SIDT2: variants seen among roughly 807,000 people sequenced by gnomAD.
SIDT2 encodes SID1 transmembrane family member 2.
A neutral mutation model predicts 114.4 loss-of-function variants in SIDT2; 68 were observed. That is an observed-to-expected ratio of 0.59 (90% CI 0.49 to 0.73). The LOEUF is 0.73. Among genes scored for constraint, SIDT2 ranks in the 30% least tolerant of loss-of-function variants. SIDT2 has a pLI of 0.00. For missense variants in SIDT2, 918 were observed against 1,097.1 expected, an observed-to-expected ratio of 0.84 and a Z score of 2.31; for synonymous variants, 470 against 438.4, an observed-to-expected ratio of 1.07 and a Z score of -0.90.
rs894762170 is a variant in SIDT2 at position 117,197,215 on chromosome 11, T to G, written c.*1149T>G. 1.2e-4 allele frequency: 18 copies of G among 152,642 alleles called. No homozygotes were observed. The highest frequency in any genetic ancestry group is 9.8e-4 in the Admixed American group (15 of 15,294). The allele number at this position is 152,642 out of a possible 1,614,324, so 9.5% of individuals were successfully genotyped here. ...CACCCTGGCCACCCTGGTCCTTGGA[T>G]CCCCTTCGTCCCACCTGGTCCACCC... On this transcript the variant is annotated 3_prime_UTR_variant, in exon 26 of 26. Transcript: ENST00000324225.
Position 117,190,145 on chromosome 11 carries a change from G to T in SIDT2, c.1494-21G>T. The T allele has an allele frequency of 6.3e-7, 1 of 1,597,396 alleles. No homozygotes were observed. The highest frequency in any genetic ancestry group is 1.1e-5 in the South Asian group (1 of 88,584). On this transcript the variant is annotated intron_variant, in intron 16 of 25. Transcript: ENST00000324225. The surrounding 1 kb of genome is among the most constrained non-coding windows in gnomAD (Gnocchi z 4.1). The stretch of plus-strand genomic sequence containing the variant: ...CCTGGGTGTGAGTCCCAAGCAGTCT[G>T]CCTTGTGTTGCCCCTTCTAGCGCCT...
intron 2 of SIDT2, 53 bp from the exon 3 acceptor site, chr11:117,181,754 G>T: frequency 6.2e-7 from 1 of 1,611,562 alleles, no homozygotes; most frequent in South Asian, 1.1e-5. Flanking sequence ...CCTCTGGAGG[G>T]GCAGGCCGGC....
At position 117,192,295 on chromosome 11, in the gene SIDT2, C is replaced by T. The variant is rs750046410; in HGVS notation, c.1914C>T (p.Ser638=). Residue 638 remains serine, a synonymous_variant, in exon 20 of 26, where the codon TCC becomes TCT. Coordinates refer to ENST00000324225, the MANE Select transcript of SIDT2 (RefSeq NM_001040455.2). The surrounding 1 kb of genome is among the most constrained non-coding windows in gnomAD (Gnocchi z 5.9). ...ACACGGCGTTCTGGATCGTCTTCTC[C>T]ATCATTCACATCATCGCCACCCTGC... ...KGNTAFWIVF[S]IIHIIATLLL... 1 of 1,612,684 alleles carries T rather than the reference C, an allele frequency of 6.2e-7. No homozygotes were observed. Among genetic ancestry groups the T allele is most frequent in the Non-Finnish European group, 8.5e-7 (1 of 1,178,792 alleles).
At chr11:117,187,765 G>T in intron 12 of SIDT2, 66 bp downstream of exon 12, 1 of 1,514,196 alleles carries the variant, frequency 6.6e-7, no homozygotes. Flanking sequence ...AAATGTCACG[G>T]TGGGCGGTTG....
chr11:117,183,707 C>A, intron 6 of SIDT2, 72 bp from the exon 7 acceptor site: 1 of 1,098,690 alleles, frequency 9.1e-7, no homozygotes, highest in Non-Finnish European at 1.4e-6. Context: ...AATGTCTGGC[C>A]CCAGAACAAG....
chr11:117,186,987 T>C, intron 10 of SIDT2: 1 of 1,447,556 alleles, frequency 6.9e-7, no homozygotes, highest in Non-Finnish European at 9.2e-7. Flanking sequence ...CCTTCTCTCT[T>C]AGCTTCTCTC....
Position 117,192,417 on chromosome 11 carries a change from C to T in SIDT2, c.1981+55C>T, listed in dbSNP as rs1410496961. 2.8e-6 allele frequency: 4 copies of T among 1,409,090 alleles called. No individual in the cohort carries two copies. The highest frequency in any genetic ancestry group is 2.3e-5 in the South Asian group (2 of 86,990). The allele number at this position is 1,409,090 out of a possible 1,614,324, so 87.3% of individuals were successfully genotyped here. A position where few individuals can be genotyped will look rare whatever the true frequency, so the allele number is the denominator to read the frequency against. ...GGAGGGGTCTGGGGGGCCTTGGGAA[C>T]CCGGACGCACGGGAGACGCTCAGGT... is the stretch of plus-strand genomic sequence containing the variant. On this transcript the variant is annotated intron_variant, in intron 20 of 25. Coordinates refer to ENST00000324225, the MANE Select transcript of SIDT2 (RefSeq NM_001040455.2). The surrounding 1 kb of genome is among the most constrained non-coding windows in gnomAD (Gnocchi z 5.9).
intron 6 of SIDT2, 29 bp from the exon 7 acceptor site, chr11:117,183,750 A>T (rs112312899): frequency 2.6e-4 from 356 of 1,385,298 alleles, no homozygotes; most frequent in East Asian, 3.4e-4. Flanking sequence ...ATGATGATGA[A>T]GAAGATATTT....
chr11:117,188,451 G>T lies in SIDT2; in HGVS notation c.1160-257G>T. ...GCCTGGGAAGCCCTAGCCCATGAGG[G>T]GTGCCAGGAACAGAGCAAAGCTAGA... On this transcript the variant is annotated intron_variant, in intron 12 of 25. Transcript: ENST00000324225. This position sits in a 1 kb window ranked among gnomAD's most constrained non-coding sequence, Gnocchi z 4.0. The T allele has an allele frequency of 1.9e-6, 1 of 526,670 alleles. No homozygotes were observed. The allele number at this position is 526,670 out of a possible 1,614,324, so 32.6% of individuals were successfully genotyped here. A position where few individuals can be genotyped will look rare whatever the true frequency, so the allele number is the denominator to read the frequency against.
intron 1 of SIDT2, 120 bp from the exon 2 acceptor site, chr11:117,181,296 C>T: frequency 6.9e-7 from 1 of 1,440,346 alleles, no homozygotes. Flanking sequence ...GACTCCCTGG[C>T]CCGACCAAGA....
rs1354461784 is a variant in SIDT2 at position 117,183,896 on chromosome 11, G to T, written c.802+18G>T. On this transcript the variant is annotated intron_variant, in intron 7 of 25. Transcript: ENST00000324225. ...CGCAGAAGGTACATTTTGTGCCCTG[G>T]GCCTGGCTAGGGATGGGGAGGTCTT... 1 of 1,594,634 alleles carries T rather than the reference G, an allele frequency of 6.3e-7. No homozygotes were observed. Among genetic ancestry groups the T allele is most frequent in the South Asian group, 1.1e-5 (1 of 90,642 alleles).
Position 117,186,141 on chromosome 11 carries a change from G to A in SIDT2, c.880G>A (p.Val294Ile), listed in dbSNP as rs752906483. Residue 294 changes from valine (V) to isoleucine (I), a missense_variant, in exon 9 of 26, where the codon GTC (valine) becomes ATC (isoleucine). Physicochemically the swap from Val to Ile is conservative, Grantham distance 29. Around this residue, in one of 4 missense-constraint regions of SIDT2, gnomAD observed 553 missense variants for 600.1 expected, o/e 0.92. Transcript: ENST00000324225. ...TTTCCTCCTTGAAGCTGAGGCATAC[G>A]TCAGTGGGATGCTCTTTTGCCTGGG... ...VSQAVTSEAYVSGMLFCLGIF... is the reference protein window; with the variant it reads ...VSQAVTSEAYISGMLFCLGIF... 17 of 1,613,934 alleles carry A rather than the reference G, an allele frequency of 1.1e-5. No individual in the cohort carries two copies. The highest frequency in any genetic ancestry group is 1.3e-5 in the Non-Finnish European group (15 of 1,179,992).
chr11:117,192,907 C>A lies in SIDT2; in HGVS notation c.2105+41C>A, dbSNP rs374579932. The A allele has an allele frequency of 3.7e-6, 6 of 1,613,210 alleles. No individual in the cohort carries two copies. Among genetic ancestry groups the A allele is most frequent in the African/African-American group, 2.7e-5 (2 of 74,910 alleles). On this transcript the variant is annotated intron_variant, in intron 22 of 25. Transcript: ENST00000324225. The surrounding 1 kb of genome is among the most constrained non-coding windows in gnomAD (Gnocchi z 5.9). ...AGTAGTGGCCTGGTTGGGTGGACAG[C>A]TGGGGACTCGGTCAGCCACTGGCTG... is the stretch of plus-strand genomic sequence containing the variant.
At chr11:117,186,669 A>G (rs1423470273) in intron 10 of SIDT2, 33 bp downstream of exon 10, 2 of 1,369,000 alleles carry the variant, frequency 1.5e-6, no homozygotes, top group African/African-American at 1.7e-5. Flanking sequence ...GGGCGGGCAC[A>G]GTGTGCTTTG....
rs372419334 is a variant in SIDT2 at position 117,182,546 on chromosome 11, G to A, written c.544G>A (p.Val182Met). ...CTTCAAGTATGAGTTCCCTGAAGGC[G>A]TGGACTCGGTAATTGTCAAGGTGAC... The part of the protein sequence containing the change: ...QYFKYEFPEG[V>M]DSVIVKVTSN... The change falls in exon 5 of 26, where the codon GTG (valine) becomes ATG (methionine). Residue 182 changes from valine (V) to methionine (M), a missense_variant. By Grantham distance (21) the Val-to-Met change is conservative. Transcript: ENST00000324225. The A allele has an allele frequency of 1.5e-5, 24 of 1,614,058 alleles. No individual in the cohort carries two copies. Among genetic ancestry groups the A allele is most frequent in the African/African-American group, 5.3e-5 (4 of 74,920 alleles).
At chr11:117,179,732 A>C in intron 1 of SIDT2, 2 of 312,534 alleles carry the variant, frequency 6.4e-6, no homozygotes, top group South Asian at 8.9e-5. Context: ...CTTGCTCTCT[A>C]CCCTAAACCC....
At chr11:117,182,429 G>A in intron 4 of SIDT2, 90 bp from the exon 5 acceptor site, 1 of 1,183,614 alleles carries the variant, frequency 8.4e-7, no homozygotes, top group East Asian at 2.4e-5. Flanking sequence ...AGGATTCTGG[G>A]TCCTCGCTTA....
At position 117,190,922 on chromosome 11, in the gene SIDT2, T is replaced by G; in HGVS notation, c.1735+182T>G. 1.7e-6 allele frequency: 1 copy of G among 579,058 alleles called. No homozygotes were observed. The highest frequency in any genetic ancestry group is 2.8e-5 in the East Asian group (1 of 35,722). 35.9% of individuals were successfully genotyped at this position (579,058 alleles called of 1,614,324 possible). ...CATGGGCACCTAGATGCTGCTTCAT[T>G]CATCTGTCAAGCTATTCCTATGTAA... On this transcript the variant is annotated intron_variant, in intron 18 of 25. Transcript: ENST00000324225. This position sits in a 1 kb window ranked among gnomAD's most constrained non-coding sequence, Gnocchi z 4.1.
At position 117,187,469 on chromosome 11, in the gene SIDT2, C is replaced by T. The variant is rs541594247; in HGVS notation, c.1087+20C>T. 6.2e-7 allele frequency: 1 copy of T among 1,612,262 alleles called. No individual in the cohort carries two copies. The highest frequency in any genetic ancestry group is 1.3e-5 in the African/African-American group (1 of 74,970). On this transcript the variant is annotated intron_variant, in intron 11 of 25. Coordinates refer to ENST00000324225, the MANE Select transcript of SIDT2 (RefSeq NM_001040455.2). ...CCTTTGGTACGTGTCAAAGCCAGCA[C>T]CGTGCTTGCTGGGGACATGACCTTG... is the stretch of plus-strand genomic sequence containing the variant.
Sources: gnomAD v4.1 joint callset for allele counts on GRCh38, gnomAD v4.1.1 for gene constraint, gnomAD v4.1.1 regional missense constraint, Gnocchi (gnomAD v3.1) non-coding constraint, MANE v1.5 for transcripts, NCBI Gene and HGNC (gene_info 2026-07-23, HGNC 2026-07-21) for gene names.